PFKFB1: variants seen among roughly 807,000 people sequenced by gnomAD.
PFKFB1 encodes the protein 6-phosphofructo-2-kinase/fructose-2,6-biphosphatase 1, also known as 6-phosphofructo-2-kinase/fructose-2,6-bisphosphatase 1.
PFKFB1 carries 34 observed loss-of-function variants against 46.4 expected under a neutral mutation model. The observed-to-expected ratio is 0.73, with a 90% CI of 0.56 to 0.98. The LOEUF (loss-of-function observed/expected upper bound fraction) is 0.98. PFKFB1 is among the 50% of genes least tolerant of loss of function. The pLI is 0.00. For synonymous variants in PFKFB1, 119 were observed against 133.8 expected, an observed-to-expected ratio of 0.89 and a Z score of 0.76; for missense variants, 393 against 376.3, an observed-to-expected ratio of 1.04 and a Z score of -0.37.
chrX:54,953,106 G>T (rs921132293), intron 7 of PFKFB1, among the ~76,000 whole-genome samples: 8 of 112,023 alleles, frequency 7.1e-5, no homozygotes, highest in African/African-American at 2.6e-4. Flanking sequence ...AGACTTCTGA[G>T]GCCTACGCTG....
At chrX:54,982,806 G>A (rs943942269) in intron 1 of PFKFB1, among the ~76,000 whole-genome samples, 4 of 111,287 alleles carry the variant, frequency 3.6e-5, no homozygotes, top group African/African-American at 1.3e-4. Context: ...ATCAATTAAT[G>A]TAATCCACCC....
At chrX:54,986,937 G>A (rs1163057939) in intron 1 of PFKFB1, among the ~76,000 whole-genome samples, 1 of 110,111 alleles carries the variant, frequency 9.1e-6, no homozygotes, top group African/African-American at 3.3e-5. Context: ...GATATAATAA[G>A]GATTAGAGGT....
At chrX:54,945,010 T>C (rs1257477794) in intron 10 of PFKFB1, among the ~76,000 whole-genome samples, 1 of 112,188 alleles carries the variant, frequency 8.9e-6, no homozygotes, top group African/African-American at 3.2e-5. Context: ...CTGGTTCATG[T>C]AGTGGCAAAG....
At chrX:54,998,568 G>T, upstream of PFKFB1, 1 of 503,220 alleles carries the variant, frequency 2.0e-6, no homozygotes, top group South Asian at 2.9e-5. Context: ...TGTTAAGTGG[G>T]GGATGTATGT....
At chrX:54,938,366 T>A (rs781350821) in intron 10 of PFKFB1, among the ~76,000 whole-genome samples, 15 of 111,870 alleles carry the variant, frequency 1.3e-4, no homozygotes, top group African/African-American at 4.9e-4. Context: ...TAAGTGAAAA[T>A]CCTCCTGTAT....
At chrX:54,961,000 T>C (rs150194677) in intron 2 of PFKFB1, 83 bp from the exon 3 acceptor site, 6,962 of 526,805 alleles carry the variant, frequency 0.013, 43 homozygotes, top group Non-Finnish European at 0.016. Context: ...ACCTCAGAGG[T>C]AGAAGAAGGT....
intron 1 of PFKFB1, among the ~76,000 whole-genome samples, chrX:54,987,427 C>A (rs1935137186): frequency 9.0e-6 from 1 of 111,275 alleles, no homozygotes; most frequent in Non-Finnish European, 1.9e-5. Context: ...CACTTCCCAA[C>A]TCATTCTATG....
In PFKFB1 at chrX:54,933,439, A is replaced by G; in HGVS notation, c.1380T>C (p.Pro460=). 8.3e-7 allele frequency: 1 copy of G among 1,209,475 alleles called. No individual in the cohort carries two copies. Reference sequence around the variant, plus strand: ...CTGGGACAGTATCCAGGGCTTCCTCAGGTTCCCGGGTGATGTCCACATTCT... The same window carrying G: ...CTGGGACAGTATCCAGGGCTTCCTCGGGTTCCCGGGTGATGTCCACATTCT... ...KPENVDITRE[P]EEALDTVPAH... The change falls in exon 14 of 14, where the codon CCT becomes CCC. Residue 460 remains proline (P), a synonymous_variant. Coordinates refer to ENST00000375006, the MANE Select transcript of PFKFB1 (RefSeq NM_002625.4).
intron 7 of PFKFB1, among the ~76,000 whole-genome samples, chrX:54,955,281 T>C (rs146003372): frequency 0.024 from 2,730 of 111,576 alleles, 72 homozygotes; most frequent in African/African-American, 0.086. Context: ...GCTCATTTCT[T>C]GGTACTTCAG....
chrX:54,952,798 A>C (rs1934027440), intron 7 of PFKFB1, among the ~76,000 whole-genome samples: 1 of 110,159 alleles, frequency 9.1e-6, no homozygotes, highest in African/African-American at 3.3e-5. Context: ...CTCTCTGGCC[A>C]GTCAGGAACA....
At chrX:54,996,260 C>T (rs1298597612), upstream of PFKFB1, among the ~76,000 whole-genome samples, 1 of 112,037 alleles carries the variant, frequency 8.9e-6, no homozygotes, top group African/African-American at 3.2e-5. Flanking sequence ...AATTATAACC[C>T]TTTCCCTGTA....
chrX:54,994,501 T>C (rs1935328172), upstream of PFKFB1: 2 of 753,813 alleles, frequency 2.7e-6, no homozygotes, highest in Non-Finnish European at 1.6e-6. Flanking sequence ...AATAAAAAAA[T>C]GGGCCCAAGT....
At chrX:54,938,682 G>A (rs1282989573) in intron 10 of PFKFB1, among the ~76,000 whole-genome samples, 1 of 111,359 alleles carries the variant, frequency 9.0e-6, no homozygotes, top group Non-Finnish European at 1.9e-5. Flanking sequence ...ATTCAACAAG[G>A]AGAGCTAACT....
At chrX:54,939,228 G>C (rs1321702362) in intron 10 of PFKFB1, among the ~76,000 whole-genome samples, 1 of 110,587 alleles carries the variant, frequency 9.0e-6, no homozygotes, top group Non-Finnish European at 1.9e-5. Context: ...AGAATCTCTG[G>C]GACACATTTA....
intron 1 of PFKFB1, among the ~76,000 whole-genome samples, chrX:54,986,087 T>C (rs1038945808): frequency 9.0e-6 from 1 of 111,444 alleles, no homozygotes; most frequent in Non-Finnish European, 1.9e-5. Context: ...AATCAAAAGG[T>C]AGAGAATATC....
At chrX:54,937,945 T>C (rs963062786) in intron 10 of PFKFB1, among the ~76,000 whole-genome samples, 3 of 112,039 alleles carry the variant, frequency 2.7e-5, no homozygotes, top group African/African-American at 9.7e-5. Context: ...AATGTATCAA[T>C]ACAGTGGACT....
upstream of PFKFB1, chrX:54,994,290 T>C: frequency 1.3e-6 from 1 of 753,950 alleles, no homozygotes; most frequent in South Asian, 6.8e-5. Flanking sequence ...CTCCAAGGGC[T>C]GTGTACATAG....
At chrX:54,939,782 A>G (rs1471048468) in intron 10 of PFKFB1, among the ~76,000 whole-genome samples, 3 of 112,096 alleles carry the variant, frequency 2.7e-5, no homozygotes, top group Non-Finnish European at 5.6e-5. Context: ...GTCCAGGACC[A>G]GATGGATTCA....
chrX:54,940,829 T>C (rs1933599861), intron 10 of PFKFB1, among the ~76,000 whole-genome samples: 1 of 111,646 alleles, frequency 9.0e-6, no homozygotes, highest in Non-Finnish European at 1.9e-5. Flanking sequence ...AGGTAATTTA[T>C]AGATTCAATG....
Sources: gnomAD v4.1 joint callset for allele counts (sites outside exome capture counted in the v4.1 genomes callset) on GRCh38, gnomAD v4.1.1 for gene constraint, MANE v1.5 for transcripts, NCBI Gene and HGNC (gene_info 2026-07-23, HGNC 2026-07-21) for gene names.